CACNA1D: variants seen among roughly 807,000 people sequenced by gnomAD.
CACNA1D encodes calcium voltage-gated channel subunit alpha1 D, also known as voltage-dependent L-type calcium channel subunit alpha-1D.
In CACNA1D, 55 loss-of-function variants were observed where a neutral mutation model predicts 257.1. The observed-to-expected ratio is 0.21, with a 90% CI of 0.17 to 0.27. The LOEUF is 0.27. CACNA1D is among the 10% of genes least tolerant of loss of function. The probability of loss-of-function intolerance (pLI) is 1.00; values close to 1 mark genes in which losing one functional copy is unlikely to be tolerated. For synonymous variants in CACNA1D, 980 were observed against 1,014.9 expected, an observed-to-expected ratio of 0.97 and a Z score of 0.65; for missense variants, 1,876 against 2,784.0, an observed-to-expected ratio of 0.67 and a Z score of 7.34.
At chr3:53,804,763 TC>T (rs1249708408) in intron 44 of CACNA1D, among the ~76,000 whole-genome samples, 8 of 152,110 alleles carry the variant, frequency 5.3e-5, no homozygotes, top group Non-Finnish European at 1.0e-4. Flanking sequence ...AGCTGAGGGA[TC>T]AAAACTGCCA....
At chr3:53,661,554 C>T (rs543952954) in intron 5 of CACNA1D, among the ~76,000 whole-genome samples, 1 of 152,306 alleles carries the variant, frequency 6.6e-6, no homozygotes, top group South Asian at 2.1e-4. Context: ...CAAACATGTT[C>T]TTCCAGATTT....
In CACNA1D at chr3:53,691,903, A is replaced by C. The variant is rs2094532135; in HGVS notation, c.1221-10738A>C. ...ATAATATATATTATATATATTACAT[A>C]TATTATATATAATATATATTATATA... On this transcript the variant is annotated intron_variant, in intron 8 of 47. Transcript: ENST00000350061. 1.8e-4 allele frequency among the ~76,000 whole-genome samples: 6 copies of C among 32,526 alleles called. 1 individual carries two copies. In the South Asian group the frequency reaches 8.2e-3, roughly 44 times the overall value. 21.3% of individuals were successfully genotyped at this position (32,526 alleles called of 152,430 possible). A position where few individuals can be genotyped will look rare whatever the true frequency, so the allele number is the denominator to read the frequency against.
chr3:53,663,272 G>T (rs2094223467), intron 5 of CACNA1D, among the ~76,000 whole-genome samples: 1 of 152,178 alleles, frequency 6.6e-6, no homozygotes, highest in African/African-American at 2.4e-5. Flanking sequence ...TCAGCTTCTT[G>T]CATTCTTTCT....
At chr3:53,509,001 G>C (rs1412901288) in intron 3 of CACNA1D, among the ~76,000 whole-genome samples, 1 of 152,224 alleles carries the variant, frequency 6.6e-6, no homozygotes, top group South Asian at 2.1e-4. Flanking sequence ...GTTGATCCAG[G>C]AGTAGATGTT....
chr3:53,753,458 G>T (rs896896382), intron 28 of CACNA1D, 114 bp from the exon 29 acceptor site: 2 of 777,180 alleles, frequency 2.6e-6, no homozygotes, highest in Non-Finnish European at 4.7e-6. Flanking sequence ...CCCAGCGAGG[G>T]TGCTGGGCTG....
In CACNA1D at chr3:53,497,348, C is replaced by T. The variant is rs28365112; in HGVS notation, c.264C>T (p.Tyr88=). 1,304 of 1,614,186 alleles carry T rather than the reference C, an allele frequency of 8.1e-4. 9 individuals are homozygous for T. The African/African-American group carries it at 0.015, about 19-fold the overall frequency. ...GSLSQRKRQQ[Y]AKSKKQGNSS... is the part of the protein sequence containing the mutation. ...TCTCCCAAAGAAAACGTCAGCAATA[C>T]GCCAAGAGCAAAAAACAGGGTAACT... is the stretch of plus-strand genomic sequence containing the variant. Residue 88 remains tyrosine (Y), a synonymous_variant, in exon 2 of 48, where the codon TAC becomes TAT. Coordinates refer to ENST00000350061, the MANE Select transcript of CACNA1D (RefSeq NM_001128840.3).
At chr3:53,724,380 T>A (rs1304962327) in intron 14 of CACNA1D, among the ~76,000 whole-genome samples, 2 of 152,244 alleles carry the variant, frequency 1.3e-5, no homozygotes, top group Non-Finnish European at 2.9e-5. Flanking sequence ...CTAGTTATAA[T>A]AGATTTACAC....
intron 4 of CACNA1D, among the ~76,000 whole-genome samples, chr3:53,658,962 G>A (rs952439648): frequency 1.3e-5 from 2 of 152,182 alleles, no homozygotes; most frequent in South Asian, 2.1e-4. Context: ...CAGACCACCC[G>A]ATGTTTTATG....
chr3:53,691,732 AT>A (rs2094522863), intron 8 of CACNA1D, among the ~76,000 whole-genome samples: 1 of 58,360 alleles, frequency 1.7e-5, no homozygotes, highest in South Asian at 4.3e-4. Flanking sequence ...CATATATAAT[AT>A]ATATATTACA....
rs1309313035 is a variant in CACNA1D at position 53,791,324 on chromosome 3, G to C, written c.4923+4372G>C. ...AAGCAGAGACTCAGAGAAAGGGAAA[G>C]AGTGAGAGAGAGCAAAGGAGGGGGG... On this transcript the variant is annotated intron_variant, in intron 40 of 47. Transcript: ENST00000350061. 5 of 310,868 alleles carry C rather than the reference G, an allele frequency of 1.6e-5. No homozygotes were observed. In the South Asian group the frequency reaches 3.9e-4, roughly 24 times the overall value. 19.3% of individuals were successfully genotyped at this position (310,868 alleles called of 1,614,324 possible).
At chr3:53,743,265 T>G in intron 22 of CACNA1D, 148 bp downstream of exon 22, 1 of 647,004 alleles carries the variant, frequency 1.5e-6, no homozygotes, top group South Asian at 1.9e-5. Context: ...CCAGAAAGAT[T>G]TAAACAATTC....
At chr3:53,503,719 C>A (rs906234168) in intron 3 of CACNA1D, among the ~76,000 whole-genome samples, 6 of 152,070 alleles carry the variant, frequency 3.9e-5, no homozygotes, top group African/African-American at 1.4e-4. Context: ...CTTTTGCACC[C>A]CTTCTCCAGT....
chr3:53,648,805 A>G (rs553993406), intron 3 of CACNA1D, among the ~76,000 whole-genome samples: 2 of 150,224 alleles, frequency 1.3e-5, no homozygotes, highest in South Asian at 2.1e-4. Context: ...AATTATAAAC[A>G]CACTGATGCT....
intron 20 of CACNA1D, among the ~76,000 whole-genome samples, chr3:53,736,898 A>T (rs183537579): frequency 6.6e-6 from 1 of 152,040 alleles, no homozygotes; most frequent in East Asian, 1.9e-4. Context: ...TAAAAAAAAA[A>T]AAAAAACAAA....
At chr3:53,521,535 G>A (rs1163249297) in intron 3 of CACNA1D, among the ~76,000 whole-genome samples, 2 of 152,168 alleles carry the variant, frequency 1.3e-5, no homozygotes, top group Non-Finnish European at 2.9e-5. Flanking sequence ...CACAAAACCA[G>A]GACTGGAGTA....
Position 53,801,222 on chromosome 3 carries a change from G to A in CACNA1D, c.5205G>A (p.Ser1735=), listed in dbSNP as rs1168792149. The A allele has an allele frequency of 6.2e-6, 10 of 1,613,954 alleles. No homozygotes were observed. Among genetic ancestry groups the A allele is most frequent in the African/African-American group, 2.7e-5 (2 of 74,978 alleles). Residue 1735 remains serine, a synonymous_variant, in exon 42 of 48, where the codon TCG becomes TCA. Coordinates refer to ENST00000350061, the MANE Select transcript of CACNA1D (RefSeq NM_001128840.3). ...EKPLFPPAGN[S]VCHNHHNHNS... ...CGCTGTTTCCTCCAGCAGGAAATTC[G>A]GTGTGTCATAACCATCATAACCATA...
At chr3:53,670,479 G>T (rs1378634605) in intron 7 of CACNA1D, among the ~76,000 whole-genome samples, 1 of 152,090 alleles carries the variant, frequency 6.6e-6, no homozygotes, top group Admixed American at 6.6e-5. Flanking sequence ...CAAGTAGCTG[G>T]GATTACAGGT....
At chr3:53,593,860 T>A (rs1346581114) in intron 3 of CACNA1D, among the ~76,000 whole-genome samples, 2 of 152,202 alleles carry the variant, frequency 1.3e-5, no homozygotes, top group African/African-American at 2.4e-5. Flanking sequence ...GCCTCAGTGC[T>A]TGGGTCACCA....
chr3:53,705,586 G>A (rs182827484), intron 9 of CACNA1D, among the ~76,000 whole-genome samples: 37 of 152,322 alleles, frequency 2.4e-4, no homozygotes, highest in Middle Eastern at 6.8e-3. Context: ...TATGGAGCTC[G>A]TTTTGCCAGG....
Sources: gnomAD v4.1 joint callset for allele counts (sites outside exome capture counted in the v4.1 genomes callset) on GRCh38, gnomAD v4.1.1 for gene constraint, MANE v1.5 for transcripts, NCBI Gene and HGNC (gene_info 2026-07-23, HGNC 2026-07-21) for gene names.